DMRT3: variants seen among roughly 807,000 people sequenced by gnomAD.
DMRT3 encodes the protein doublesex- and mab-3-related transcription factor 3.
A neutral mutation model predicts 34.9 loss-of-function variants in DMRT3; 29 were observed. That is an observed-to-expected ratio of 0.83 (90% confidence interval 0.62 to 1.13). The LOEUF (loss-of-function observed/expected upper bound fraction) is 1.13, where lower values mean the gene tolerates loss of function less well. Among genes scored for constraint, DMRT3 ranks in the 50% most tolerant of loss-of-function variants. The probability of loss-of-function intolerance (pLI) is 0.00; values close to 1 mark genes in which losing one functional copy is unlikely to be tolerated. For synonymous variants in DMRT3, 350 were observed against 286.0 expected, an observed-to-expected ratio of 1.22 and a Z score of -2.26; for missense variants, 772 against 629.1, an observed-to-expected ratio of 1.23 and a Z score of -2.43.
intron 1 of DMRT3, among the ~76,000 whole-genome samples, chr9:986,312 C>T (rs1820281634): frequency 6.6e-6 from 1 of 151,656 alleles, no homozygotes; most frequent in African/African-American, 2.4e-5. Context: ...TTGATTGGGA[C>T]AGTATATCTG....
chr9:978,105 G>A (rs538906259), intron 1 of DMRT3, among the ~76,000 whole-genome samples: 231 of 152,312 alleles, frequency 1.5e-3, no homozygotes, highest in African/African-American at 5.3e-3. Flanking sequence ...GTCCGGAAAG[G>A]CTTGTGAGCT....
intron 1 of DMRT3, among the ~76,000 whole-genome samples, chr9:987,412 C>CTGTGTGTGTG (rs6150885): frequency 8.7e-5 from 13 of 149,514 alleles, no homozygotes; most frequent in African/African-American, 2.2e-4. Flanking sequence ...TAATATCCCA[C>CTGTGTGTGTG]TGTGTGTGTG....
Position 990,236 on chromosome 9 carries a change from G to A in DMRT3, c.650G>A (p.Arg217His), listed in dbSNP as rs773043267. 14 of 1,613,848 alleles carry A rather than the reference G, an allele frequency of 8.7e-6. No individual in the cohort carries two copies. Among genetic ancestry groups the A allele is most frequent in the African/African-American group, 6.7e-5 (5 of 74,890 alleles). Residue 217 changes from arginine (R) to histidine (H), a missense_variant, in exon 2 of 2, where the codon CGC becomes CAC. Transcript: ENST00000190165. ...VQKNGGNPESRPDSPKCHAEQ... is the reference protein window; with the variant it reads ...VQKNGGNPESHPDSPKCHAEQ... ...AAAAACGGAGGCAACCCCGAGAGCC[G>A]CCCTGACAGCCCCAAGTGTCACGCG...
At chr9:987,395 G>A (rs561380722) in intron 1 of DMRT3, among the ~76,000 whole-genome samples, 11 of 151,160 alleles carry the variant, frequency 7.3e-5, no homozygotes, top group African/African-American at 2.7e-4. Context: ...TCCTTTTTAA[G>A]GCTGAATAAT....
At chr9:978,308 GTC>G (rs1286470153) in intron 1 of DMRT3, among the ~76,000 whole-genome samples, 1 of 152,150 alleles carries the variant, frequency 6.6e-6, no homozygotes, top group Non-Finnish European at 1.5e-5. Context: ...GAGTCTCTTA[GTC>G]TCTCTCTTCC....
At chr9:979,068 T>A (rs1820185712) in intron 1 of DMRT3, among the ~76,000 whole-genome samples, 1 of 152,202 alleles carries the variant, frequency 6.6e-6, no homozygotes, top group African/African-American at 2.4e-5. Flanking sequence ...CCCCCAGGAC[T>A]AGGGCAGAGG....
At position 991,045 on chromosome 9, in the gene DMRT3, T is replaced by C. The variant is rs1038284333; in HGVS notation, c.*40T>C. 5.1e-6 allele frequency: 8 copies of C among 1,572,562 alleles called. No individual in the cohort carries two copies. The highest frequency in any genetic ancestry group is 5.2e-6 in the Non-Finnish European group (6 of 1,156,628). On this transcript the variant is annotated 3_prime_UTR_variant, in exon 2 of 2. Transcript: ENST00000190165. ...GGTGGTGGCCAGGTGACATTTTCTG[T>C]GCGTTTTGACCCTGAGGCATCTGAG...
chr9:984,311 G>T (rs1437554799), intron 1 of DMRT3, among the ~76,000 whole-genome samples: 1 of 152,226 alleles, frequency 6.6e-6, no homozygotes, highest in African/African-American at 2.4e-5. Context: ...GGATGGGGGA[G>T]TCCAGTGACT....
In DMRT3 at chr9:990,690, C is replaced by A; in HGVS notation, c.1104C>A (p.Tyr368Ter). Residue 368 changes from tyrosine to a stop codon, truncating the protein, a stop_gained, in exon 2 of 2, where the codon TAC becomes TAA. Coordinates refer to ENST00000190165, the MANE Select transcript of DMRT3 (RefSeq NM_021240.4). LOFTEE classifies it high-confidence loss of function. Reference protein sequence around the residue: ...LQPPFPQPPRYPLMLRNTLAR... With the variant: ...LQPPFPQPPR The stretch of plus-strand genomic sequence containing the variant: ...CCCCTTTCCCCCAGCCACCCCGGTA[C>A]CCGCTGATGCTGAGGAATACTTTGG... 1 of 1,614,152 alleles carries A rather than the reference C, an allele frequency of 6.2e-7. No homozygotes were observed. The highest frequency in any genetic ancestry group is 1.1e-5 in the South Asian group (1 of 91,074).
intron 1 of DMRT3, chr9:989,736 T>C: frequency 4.4e-6 from 1 of 228,556 alleles, no homozygotes; most frequent in South Asian, 8.2e-5. Flanking sequence ...AGGCTCTCTA[T>C]TGAGATTGTT....
intron 1 of DMRT3, 52 bp downstream of exon 1, chr9:977,507 A>G: frequency 8.1e-7 from 1 of 1,238,340 alleles, no homozygotes; most frequent in Non-Finnish European, 1.0e-6. Context: ...GCAACTTCGG[A>G]GTGCCAGCTG....
Position 977,067 on chromosome 9 carries a change from C to T in DMRT3, c.66C>T (p.Pro22=). The part of the protein sequence containing the change: ...GGPVSQPPRA[P]LQRTPKCARC... ...CGGTGTCGCAGCCGCCACGGGCGCC[C>T]CTGCAGCGCACGCCCAAGTGCGCGC... Residue 22 remains proline, a synonymous_variant, in exon 1 of 2, where the codon CCC becomes CCT. Coordinates refer to ENST00000190165, the MANE Select transcript of DMRT3 (RefSeq NM_021240.4). 7 of 1,586,514 alleles carry T rather than the reference C, an allele frequency of 4.4e-6. No homozygotes were observed. The highest frequency in any genetic ancestry group is 6.0e-6 in the Non-Finnish European group (7 of 1,167,660).
Position 976,958 on chromosome 9 carries a change from C to G in DMRT3, c.-44C>G. 7.0e-7 allele frequency: 1 copy of G among 1,429,980 alleles called. No individual in the cohort carries two copies. The highest frequency in any genetic ancestry group is 9.2e-7 in the Non-Finnish European group (1 of 1,090,394). The allele number at this position is 1,429,980 out of a possible 1,614,324, so 88.6% of individuals were successfully genotyped here. On this transcript the variant is annotated 5_prime_UTR_variant, in exon 1 of 2. Transcript: ENST00000190165. The surrounding 1 kb of genome is among the most constrained non-coding windows in gnomAD (Gnocchi z 4.5). Reference sequence around the variant, plus strand: ...GCCCCGCCGTCCAGCGCTCCCTGGCCCTCTCCCGCAGCCAGGCTGCCAACT... The same window carrying G: ...GCCCCGCCGTCCAGCGCTCCCTGGCGCTCTCCCGCAGCCAGGCTGCCAACT...
chr9:983,829 G>A lies in DMRT3; in HGVS notation c.455-6212G>A, dbSNP rs75181255. 3.4e-4 allele frequency among the ~76,000 whole-genome samples: 51 copies of A among 151,710 alleles called. 1 individual carries two copies. The East Asian group carries it at 8.7e-3, about 26-fold the overall frequency. On this transcript the variant is annotated intron_variant, in intron 1 of 1. Coordinates refer to ENST00000190165, the MANE Select transcript of DMRT3 (RefSeq NM_021240.4). ...TAGCAATATTCCCCCAAAATATAGT[G>A]TCAAGGAACCACTCTGATTCCTTCA...
chr9:977,478 A>T (rs762152417), intron 1 of DMRT3, 23 bp downstream of exon 1: 1 of 1,274,460 alleles, frequency 7.8e-7, no homozygotes, highest in Non-Finnish European at 9.9e-7. Context: ...GAGGTGCGGG[A>T]GTTTGGCCGG....
intron 1 of DMRT3, 130 bp downstream of exon 1, chr9:977,585 T>G: frequency 1.1e-6 from 1 of 909,754 alleles, no homozygotes. Flanking sequence ...TCCTTCCTAC[T>G]CTCCGCCAGG....
At chr9:983,620 T>C (rs548388988) in intron 1 of DMRT3, among the ~76,000 whole-genome samples, 3 of 152,312 alleles carry the variant, frequency 2.0e-5, no homozygotes, top group East Asian at 1.9e-4. Context: ...GTTAAATAGA[T>C]GGATGAGTTA....
At position 991,619 on chromosome 9, in the gene DMRT3, C is replaced by T. The variant is rs1820364748; in HGVS notation, c.*614C>T. The T allele has an allele frequency of 1.3e-5, 2 of 152,688 alleles. No homozygotes were observed. The highest frequency in any genetic ancestry group is 4.8e-5 in the African/African-American group (2 of 41,426). The allele number at this position is 152,688 out of a possible 1,614,324, so 9.5% of individuals were successfully genotyped here. A position where few individuals can be genotyped will look rare whatever the true frequency, so the allele number is the denominator to read the frequency against. On this transcript the variant is annotated 3_prime_UTR_variant, in exon 2 of 2. Transcript: ENST00000190165. ...AACATGTGTAATGTCAATGTAAAAC[C>T]AATCACAGCTGTGAACTGCATGAAA...
intron 1 of DMRT3, among the ~76,000 whole-genome samples, chr9:978,573 C>T (rs1820179822): frequency 6.6e-6 from 1 of 152,206 alleles, no homozygotes; most frequent in African/African-American, 2.4e-5. Context: ...CCCCTAGCTT[C>T]GGAGAAAGGC....
Sources: allele counts gnomAD v4.1 joint callset (sites outside exome capture counted in the v4.1 genomes callset), GRCh38; gene constraint gnomAD v4.1.1; non-coding constraint Gnocchi (gnomAD v3.1); transcripts MANE v1.5; gene names NCBI Gene and HGNC (gene_info 2026-07-23, HGNC 2026-07-21).